ASAP3: variants seen among roughly 807,000 people sequenced by gnomAD.
ASAP3 encodes arf-GAP with SH3 domain, ANK repeat and PH domain-containing protein 3.
A neutral mutation model predicts 118.2 loss-of-function variants in ASAP3; 85 were observed. The observed-to-expected ratio is 0.72, with a 90% CI of 0.60 to 0.86. The LOEUF is 0.86. Among genes scored for constraint, ASAP3 ranks in the 40% least tolerant of loss-of-function variants. The pLI is 0.00. For missense variants in ASAP3, 1,026 were observed against 1,175.0 expected (o/e 0.87, Z 1.85); for synonymous variants, 432 against 477.4 (o/e 0.90, Z 1.24).
chr1:23,451,090 C>T (rs1641199331), intron 5 of ASAP3, among the ~76,000 whole-genome samples: 1 of 152,224 alleles, frequency 6.6e-6, no homozygotes. Context: ...GGGCAAGTGA[C>T]TTAACCTCTC....
At chr1:23,469,757 C>A (rs1044505420) in intron 1 of ASAP3, among the ~76,000 whole-genome samples, 4 of 152,178 alleles carry the variant, frequency 2.6e-5, no homozygotes, top group Admixed American at 2.6e-4. Context: ...TTATTATCCT[C>A]CCCATCTTAC....
chr1:23,456,498 T>A (rs1641392762), intron 1 of ASAP3, among the ~76,000 whole-genome samples: 1 of 151,992 alleles, frequency 6.6e-6, no homozygotes, highest in Non-Finnish European at 1.5e-5. Flanking sequence ...CAGGCCTGGG[T>A]TTGAATCTTG....
chr1:23,435,766 G>T, intron 17 of ASAP3, 85 bp downstream of exon 17: 2 of 1,472,802 alleles, frequency 1.4e-6, no homozygotes, highest in Non-Finnish European at 9.5e-7. Flanking sequence ...AGGTGGGGTG[G>T]AGGGGAGTAA....
At chr1:23,477,651 G>T (rs1008307742) in intron 1 of ASAP3, among the ~76,000 whole-genome samples, 1 of 152,158 alleles carries the variant, frequency 6.6e-6, no homozygotes, top group African/African-American at 2.4e-5. Context: ...GCCTTGACGA[G>T]GAGGATGAGT....
At position 23,436,223 on chromosome 1, in the gene ASAP3, C is replaced by T. The variant is rs559481899; in HGVS notation, c.1572-195G>A. Among the ~76,000 whole-genome samples the T allele has an allele frequency of 2.6e-5, 4 of 152,292 alleles. No individual in the cohort carries two copies. Among genetic ancestry groups the T allele is most frequent in the Middle Eastern group, 3.4e-3 (1 of 294 alleles). On this transcript the variant is annotated intron_variant, in intron 16 of 24. Transcript: ENST00000336689. The surrounding 1 kb of genome is among the most constrained non-coding windows in gnomAD (Gnocchi z 4.2). Reference sequence around the variant, plus strand: ...TATTGCCCAGGAGGGAGTGCAGTGGCGCAATCTCGTTTCACTACAACCTCT... The same window carrying T: ...TATTGCCCAGGAGGGAGTGCAGTGGTGCAATCTCGTTTCACTACAACCTCT...
chr1:23,438,720 T>G lies in ASAP3; in HGVS notation c.1102+27A>C. The stretch of plus-strand genomic sequence containing the variant: ...TAGAGAAGCCCTGAGCAGCTGTGGG[T>G]GGGGGAGAGGCACAGGGACCACTCA... On this transcript the variant is annotated intron_variant, in intron 12 of 24. Coordinates refer to ENST00000336689, the MANE Select transcript of ASAP3 (RefSeq NM_017707.4). This position sits in a 1 kb window ranked among gnomAD's most constrained non-coding sequence, Gnocchi z 4.9. 1.2e-6 allele frequency: 2 copies of G among 1,607,926 alleles called. No individual in the cohort carries two copies. The highest frequency in any genetic ancestry group is 1.7e-6 in the Non-Finnish European group (2 of 1,174,672).
intron 1 of ASAP3, chr1:23,479,750 A>C (rs1642249543): frequency 6.6e-6 from 1 of 152,252 alleles, no homozygotes; most frequent in South Asian, 2.1e-4. Flanking sequence ...TCCCCCACTG[A>C]TAATATATTT....
Position 23,452,796 on chromosome 1 carries a change from C to T in ASAP3, c.349-25G>A, listed in dbSNP as rs936041042. On this transcript the variant is annotated intron_variant, in intron 3 of 24. Transcript: ENST00000336689. ...TCTGGAAAAAACAGAGACGCTCATT[C>T]CCGCCTCAGGTGACCGGCATCCAGC... The T allele has an allele frequency of 1.9e-6, 3 of 1,612,082 alleles. No individual in the cohort carries two copies. In the Admixed American group the frequency reaches 5.0e-5, roughly 27 times the overall value.
In ASAP3 at chr1:23,438,805, C is replaced by G; in HGVS notation, c.1044G>C (p.Leu348=). The stretch of plus-strand genomic sequence containing the variant: ...GGTTTGGCCTCACTTGGCACGTCAG[C>G]AGGGTCAGCTTCACCGGGGGCCGGT... ...TINRPPVKLT[L]LTCQVRPNPE... is the part of the protein sequence containing the mutation. Residue 348 remains leucine, a synonymous_variant, in exon 12 of 25, where the codon CTG becomes CTC. Coordinates refer to ENST00000336689, the MANE Select transcript of ASAP3 (RefSeq NM_017707.4). This position sits in a 1 kb window ranked among gnomAD's most constrained non-coding sequence, Gnocchi z 4.9. 2 of 1,614,216 alleles carry G rather than the reference C, an allele frequency of 1.2e-6. No homozygotes were observed. The highest frequency in any genetic ancestry group is 1.7e-6 in the Non-Finnish European group (2 of 1,180,034).
chr1:23,433,780 G>A, intron 19 of ASAP3, 87 bp from the exon 20 acceptor site: 1 of 1,550,944 alleles, frequency 6.4e-7, no homozygotes. Flanking sequence ...GAATCAGAAT[G>A]TATGGGTTTG....
At chr1:23,457,045 T>C (rs148812249) in intron 1 of ASAP3, among the ~76,000 whole-genome samples, 4 of 152,280 alleles carry the variant, frequency 2.6e-5, no homozygotes, top group African/African-American at 7.2e-5. Context: ...GCATGGAAGT[T>C]GACAACCTCA....
In ASAP3 at chr1:23,438,631, G is replaced by T; in HGVS notation, c.1102+116C>A. The T allele has an allele frequency of 1.2e-6, 1 of 824,650 alleles. No homozygotes were observed. Among genetic ancestry groups the T allele is most frequent in the East Asian group, 2.7e-5 (1 of 37,694 alleles). The allele number at this position is 824,650 out of a possible 1,614,324, so 51.1% of individuals were successfully genotyped here. A position where few individuals can be genotyped will look rare whatever the true frequency, so the allele number is the denominator to read the frequency against. On this transcript the variant is annotated intron_variant, in intron 12 of 24. Transcript: ENST00000336689. This position sits in a 1 kb window ranked among gnomAD's most constrained non-coding sequence, Gnocchi z 4.9. ...CTTATGTCTGCAGTAGCAGCAATTC[G>T]ACACCATGTGTGGAACTGGACACAG...
At chr1:23,471,773 A>G (rs553463809) in intron 1 of ASAP3, among the ~76,000 whole-genome samples, 3 of 152,334 alleles carry the variant, frequency 2.0e-5, no homozygotes, top group Non-Finnish European at 4.4e-5. Flanking sequence ...CCAGCATAAT[A>G]CACACAGAAA....
At chr1:23,462,710 G>C (rs1370771991) in intron 1 of ASAP3, among the ~76,000 whole-genome samples, 2 of 152,060 alleles carry the variant, frequency 1.3e-5, no homozygotes, top group Non-Finnish European at 2.9e-5. Flanking sequence ...AGTGAGCTGA[G>C]ATCACGCCAT....
chr1:23,439,587 C>T (rs1339299016), intron 10 of ASAP3, among the ~76,000 whole-genome samples: 2 of 152,138 alleles, frequency 1.3e-5, no homozygotes. Context: ...GGCACAGGCT[C>T]TTGACAACAA....
rs35344912 is a variant in ASAP3, at chr1:23,440,500, CAAAAAAAAAAA to C, written c.944+591_944+601del. ...TGGGTGACGGAGGGAGACTCCATCT[CAAAAAAAAAAA>C]AAAAAAAAAAAAAAAAAAAGAATGA... On this transcript the variant is annotated intron_variant, in intron 10 of 24. Transcript: ENST00000336689. Among the ~76,000 whole-genome samples, 18 of 24,316 alleles carry C rather than the reference CAAAAAAAAAAA, an allele frequency of 7.4e-4. 1 individual carries two copies. The East Asian group carries it at 0.02, about 27-fold the overall frequency. The allele number at this position is 24,316 out of a possible 152,430, so 16.0% of individuals were successfully genotyped here. A position where few individuals can be genotyped will look rare whatever the true frequency, so the allele number is the denominator to read the frequency against.
chr1:23,465,887 G>A (rs1641752267), intron 1 of ASAP3, among the ~76,000 whole-genome samples: 1 of 152,106 alleles, frequency 6.6e-6, no homozygotes, highest in South Asian at 2.1e-4. Flanking sequence ...AAGTTAGGGG[G>A]CACAGCTTAT....
At chr1:23,460,885 A>G (rs1435147192) in intron 1 of ASAP3, among the ~76,000 whole-genome samples, 1 of 152,230 alleles carries the variant, frequency 6.6e-6, no homozygotes, top group Non-Finnish European at 1.5e-5. Flanking sequence ...TCATCACTGA[A>G]AAGAAATGAG....
chr1:23,457,581 A>G (rs1266485025), intron 1 of ASAP3, among the ~76,000 whole-genome samples: 3 of 152,178 alleles, frequency 2.0e-5, no homozygotes, highest in Non-Finnish European at 4.4e-5. Flanking sequence ...CAGTTGCACA[A>G]TCTTGGCTCA....
Sources: gnomAD v4.1 joint callset for allele counts (sites outside exome capture counted in the v4.1 genomes callset) on GRCh38, gnomAD v4.1.1 for gene constraint, Gnocchi (gnomAD v3.1) non-coding constraint, MANE v1.5 for transcripts, NCBI Gene and HGNC (gene_info 2026-07-23, HGNC 2026-07-21) for gene names.